The following CDKN2A variants were observed in gnomAD, a reference collection of about 807,000 sequenced individuals.
CDKN2A encodes the protein cyclin-dependent kinase inhibitor 2A.
In CDKN2A, 3 loss-of-function variants were observed where a neutral mutation model predicts 11.1. That is an observed-to-expected ratio of 0.27 (90% CI 0.12 to 0.70). The LOEUF (loss-of-function observed/expected upper bound fraction) is 0.70, where lower values mean the gene tolerates loss of function less well. Ranked by LOEUF, CDKN2A falls within the 30% of genes least tolerant of loss-of-function variation. The pLI is 0.77. For synonymous variants in CDKN2A, 122 were observed against 108.1 expected (o/e 1.13, Z -0.80); for missense variants, 265 against 233.6 (o/e 1.13, Z -0.88).
chr9:21,968,604 G>A lies in CDKN2A; in HGVS notation c.458-362C>T. 1.3e-6 allele frequency: 2 copies of A among 1,501,832 alleles called. No individual in the cohort carries two copies. The highest frequency in any genetic ancestry group is 2.6e-5 in the South Asian group (2 of 77,278). 93.0% of individuals were successfully genotyped at this position (1,501,832 alleles called of 1,614,324 possible). On this transcript the variant is annotated intron_variant, in intron 2 of 2. Transcript: ENST00000304494. The surrounding 1 kb of genome is among the most constrained non-coding windows in gnomAD (Gnocchi z 4.7). Reference sequence around the variant, plus strand: ...CCAGGCGCGAAGGCGTGAAGATGTGGCCTTTCCCTTCCCGCATCCCCAGGC... The same window carrying A: ...CCAGGCGCGAAGGCGTGAAGATGTGACCTTTCCCTTCCCGCATCCCCAGGC...
chr9:21,982,029 T>A (rs1295057372), intron 2 of CDKN2A, among the ~76,000 whole-genome samples: 1 of 152,174 alleles, frequency 6.6e-6, no homozygotes, highest in Non-Finnish European at 1.5e-5. Context: ...TTAATTAAAT[T>A]CAATATAGCA....
In CDKN2A at chr9:21,971,161, G is replaced by C. The variant is rs374984975; in HGVS notation, c.198C>G (p.His66Gln). Residue 66 changes from histidine (H) to glutamine (Q), a missense_variant, in exon 2 of 3, where the codon CAC (histidine) becomes CAG (glutamine). Coordinates refer to ENST00000304494, the MANE Select transcript of CDKN2A (RefSeq NM_000077.5). ...SARVAELLLL[H>Q]GAEPNCADPA... The stretch of plus-strand genomic sequence containing the variant: ...GGTCGGCGCAGTTGGGCTCCGCGCC[G>C]TGGAGCAGCAGCAGCTCCGCCACTC... 5.6e-6 allele frequency: 9 copies of C among 1,595,044 alleles called. No individual in the cohort carries two copies. Among genetic ancestry groups the C allele is most frequent in the Non-Finnish European group, 7.6e-6 (9 of 1,177,526 alleles).
intron 2 of CDKN2A, chr9:21,993,873 G>T: frequency 2.0e-6 from 1 of 512,252 alleles, no homozygotes; most frequent in Non-Finnish European, 3.5e-6. Flanking sequence ...CAGGATATTC[G>T]GGACTCACTG....
exon 2 of CDKN2A, chr9:21,993,885 C>T: frequency 1.8e-6 from 1 of 549,888 alleles, no homozygotes; most frequent in Non-Finnish European, 3.3e-6. Flanking sequence ...GACTCACTGA[C>T]TTCTGAGGTG....
upstream of CDKN2A, among the ~76,000 whole-genome samples, chr9:21,977,346 TTTTG>T (rs1195293616): frequency 6.6e-5 from 10 of 152,054 alleles, no homozygotes; most frequent in Admixed American, 1.3e-4. Context: ...GGTTCTTTCT[TTTTG>T]TTTGTTTGTT....
In CDKN2A at chr9:21,968,817, C is replaced by A. The variant is rs2131082849; in HGVS notation, c.458-575G>T. 2 of 1,529,514 alleles carry A rather than the reference C, an allele frequency of 1.3e-6. No individual in the cohort carries two copies. Among genetic ancestry groups the A allele is most frequent in the Non-Finnish European group, 1.8e-6 (2 of 1,141,014 alleles). 94.7% of individuals were successfully genotyped at this position (1,529,514 alleles called of 1,614,324 possible). On this transcript the variant is annotated intron_variant, in intron 2 of 2. Transcript: ENST00000304494. This position sits in a 1 kb window ranked among gnomAD's most constrained non-coding sequence, Gnocchi z 4.7. ...ATTTATTCATGTGCTCTGGCTTCTG[C>A]CTTCCTCTCTAATCTCGTTGCGTAT...
intron 2 of CDKN2A, among the ~76,000 whole-genome samples, chr9:21,983,762 C>T (rs531611830): frequency 6.6e-6 from 1 of 152,080 alleles, no homozygotes; most frequent in South Asian, 2.1e-4. Context: ...GCCACAGCTA[C>T]TTAATTGGAC....
intron 2 of CDKN2A, among the ~76,000 whole-genome samples, chr9:21,980,313 G>T (rs1371469892): frequency 6.6e-6 from 1 of 151,954 alleles, no homozygotes; most frequent in Non-Finnish European, 1.5e-5. Context: ...AATATAGCTT[G>T]GTGTTAAAAA....
upstream of CDKN2A, chr9:21,975,105 C>G (rs1046807378): frequency 1.8e-5 from 23 of 1,269,388 alleles, no homozygotes; most frequent in Middle Eastern, 3.0e-4. Flanking sequence ...TGGGTCTCCC[C>G]CGGGGGCACC....
At chr9:21,984,014 A>C (rs945358564) in intron 2 of CDKN2A, among the ~76,000 whole-genome samples, 2 of 152,032 alleles carry the variant, frequency 1.3e-5, no homozygotes, top group Non-Finnish European at 2.9e-5. Flanking sequence ...TCAGATATAT[A>C]AAAATCCGGG....
chr9:21,992,595 T>C lies in CDKN2A; in HGVS notation c.-4+1287A>G, dbSNP rs576147881. On this transcript the variant is annotated intron_variant, in intron 2 of 3. Coordinates refer to the CDKN2A transcript ENST00000494262. Reference sequence around the variant, plus strand: ...TTTCTCTAACTTAAAATCACCACAATGTTATGTTTTATAGGCCTAAACTAA... The same window carrying C: ...TTTCTCTAACTTAAAATCACCACAACGTTATGTTTTATAGGCCTAAACTAA... The C allele has an allele frequency of 1.2e-5, 4 of 328,486 alleles. No homozygotes were observed. The South Asian group carries it at 3.7e-4, about 30-fold the overall frequency. 20.3% of individuals were successfully genotyped at this position (328,486 alleles called of 1,614,324 possible).
chr9:21,976,609 G>A (rs771362701), upstream of CDKN2A, among the ~76,000 whole-genome samples: 5 of 151,218 alleles, frequency 3.3e-5, no homozygotes, highest in African/African-American at 9.7e-5. Context: ...CCAGCTACTC[G>A]GAGGCTGATG....
In CDKN2A at chr9:21,968,574, C is replaced by G; in HGVS notation, c.458-332G>C. On this transcript the variant is annotated intron_variant, in intron 2 of 2. Transcript: ENST00000304494. The surrounding 1 kb of genome is among the most constrained non-coding windows in gnomAD (Gnocchi z 4.7). ...TATAATGAGTCTCAGTGGTTGCTCA[C>G]AATGCCAGGCGCGAAGGCGTGAAGA... 1 of 1,466,196 alleles carries G rather than the reference C, an allele frequency of 6.8e-7. No individual in the cohort carries two copies. The highest frequency in any genetic ancestry group is 1.4e-5 in the South Asian group (1 of 71,446). The allele number at this position is 1,466,196 out of a possible 1,614,324, so 90.8% of individuals were successfully genotyped here.
rs188342823 is a variant in CDKN2A at position 21,969,916 on chromosome 9, T to C, written c.457+986A>G. The C allele has an allele frequency of 1.2e-3, 464 of 396,824 alleles. 2 individuals carry two copies. Among genetic ancestry groups the C allele is most frequent in the African/African-American group, 8.8e-3 (426 of 48,658 alleles). The allele number at this position is 396,824 out of a possible 1,614,324, so 24.6% of individuals were successfully genotyped here. ...CATCTCCAAGCAGAGGGCTTAGAGC[T>C]AACTCTTCACCCTGTCCTCCCCAGC... On this transcript the variant is annotated intron_variant, in intron 2 of 2. Transcript: ENST00000304494.
chr9:21,977,870 G>T (rs1311314094), upstream of CDKN2A, among the ~76,000 whole-genome samples: 1 of 152,100 alleles, frequency 6.6e-6, no homozygotes, highest in African/African-American at 2.4e-5. Context: ...CCTACATCAA[G>T]AACTCTTTCA....
rs762397298 is a variant in CDKN2A at position 21,971,134 on chromosome 9, G to C, written c.225C>G (p.Pro75=). The C allele has an allele frequency of 3.8e-6, 6 of 1,596,236 alleles. No individual in the cohort carries two copies. In the East Asian group the frequency reaches 1.1e-4, roughly 30 times the overall value. The change falls in exon 2 of 3, where the codon CCC becomes CCG. Residue 75 remains proline, a synonymous_variant. Transcript: ENST00000304494. ...LHGAEPNCAD[P]ATLTRPVHDA... Reference sequence around the variant, plus strand: ...CGTGCACGGGTCGGGTGAGAGTGGCGGGGTCGGCGCAGTTGGGCTCCGCGC... The same window carrying C: ...CGTGCACGGGTCGGGTGAGAGTGGCCGGGTCGGCGCAGTTGGGCTCCGCGC...
At chr9:21,984,244 C>T (rs1221528039) in intron 2 of CDKN2A, among the ~76,000 whole-genome samples, 1 of 151,920 alleles carries the variant, frequency 6.6e-6, no homozygotes, top group Non-Finnish European at 1.5e-5. Flanking sequence ...GAAAAAACAG[C>T]TTCTTTGTAA....
At position 21,988,097 on chromosome 9, in the gene CDKN2A, G is replaced by A. The variant is rs1820343035; in HGVS notation, c.-4+5785C>T. Among the ~76,000 whole-genome samples, 4 of 151,990 alleles carry A rather than the reference G, an allele frequency of 2.6e-5. No homozygotes were observed. Among genetic ancestry groups the A allele is most frequent in the Admixed American group, 1.3e-4 (2 of 15,256 alleles). ...TTTATTTACGTTACCTTGATTGTAC[G>A]ATTTTATTAGTTTCAATTTGCTTAA... On this transcript the variant is annotated intron_variant, in intron 2 of 3. Coordinates refer to the CDKN2A transcript ENST00000494262. This position sits in a 1 kb window ranked among gnomAD's most constrained non-coding sequence, Gnocchi z 4.1.
chr9:21,969,353 A>C (rs903846498), intron 2 of CDKN2A, among the ~76,000 whole-genome samples: 1 of 152,066 alleles, frequency 6.6e-6, no homozygotes, highest in African/African-American at 2.4e-5. Context: ...GCGCCACTGC[A>C]CTCCAGGTTG....
Sources: allele counts gnomAD v4.1 joint callset (sites outside exome capture counted in the v4.1 genomes callset), GRCh38; gene constraint gnomAD v4.1.1; non-coding constraint Gnocchi (gnomAD v3.1); transcripts MANE v1.5; gene names NCBI Gene and HGNC (gene_info 2026-07-23, HGNC 2026-07-21).